The following KNTC1 variants were observed in gnomAD, a reference collection of about 807,000 sequenced individuals.
KNTC1 encodes the protein kinetochore associated 1, also known as kinetochore-associated protein 1.
KNTC1 carries 253 observed loss-of-function variants against 314.4 expected under a neutral mutation model. The observed-to-expected ratio is 0.80, with a 90% CI of 0.73 to 0.89. The LOEUF is 0.89. Ranked by LOEUF, KNTC1 falls within the 40% of genes least tolerant of loss-of-function variation. The pLI, the probability that KNTC1 is intolerant of heterozygous loss-of-function variation, is 0.00. For missense variants in KNTC1, 2,475 were observed against 2,572.9 expected, an observed-to-expected ratio of 0.96 and a Z score of 0.82; for synonymous variants, 901 against 901.4, an observed-to-expected ratio of 1.00 and a Z score of 0.01.
intron 33 of KNTC1, among the ~76,000 whole-genome samples, 153 bp downstream of exon 33, chr12:122,580,823 T>A (rs763791591): frequency 6.6e-6 from 1 of 152,092 alleles, no homozygotes; most frequent in Non-Finnish European, 1.5e-5. Context: ...GGTCAGGAGA[T>A]CGAGATCATC....
intron 16 of KNTC1, 100 bp downstream of exon 16, chr12:122,551,796 AT>A: frequency 1.2e-6 from 1 of 858,760 alleles, no homozygotes; most frequent in Non-Finnish European, 1.9e-6. Flanking sequence ...ATTTAGTGTG[AT>A]TAAGGCTGTA....
chr12:122,584,255 C>A, intron 34 of KNTC1, 23 bp from the exon 35 acceptor site: 1 of 1,570,906 alleles, frequency 6.4e-7, no homozygotes, highest in Non-Finnish European at 8.7e-7. Flanking sequence ...ATTCTAACTA[C>A]CAATACTTTC....
intron 5 of KNTC1, among the ~76,000 whole-genome samples, chr12:122,541,536 G>A (rs1962335698): frequency 6.6e-6 from 1 of 151,214 alleles, no homozygotes; most frequent in South Asian, 2.1e-4. Context: ...TAGTAGAGAC[G>A]GGGTTTCACC....
chr12:122,578,385 GCATGCACCAC>G (rs137990747), intron 31 of KNTC1, among the ~76,000 whole-genome samples: 11,475 of 151,818 alleles, frequency 0.076, 559 homozygotes, highest in Middle Eastern at 0.13. Context: ...GGGATTACAG[GCATGCACCAC>G]CATGCTCAAT....
At position 122,575,581 on chromosome 12, in the gene KNTC1, A is replaced by C; in HGVS notation, c.2421A>C (p.Ala807=). 1 of 1,598,124 alleles carries C rather than the reference A, an allele frequency of 6.3e-7. No individual in the cohort carries two copies. The highest frequency in any genetic ancestry group is 8.5e-7 in the Non-Finnish European group (1 of 1,172,110). The part of the protein sequence containing the change: ...FDAVLKIMYA[A]VVPWSAAVEQ... The stretch of plus-strand genomic sequence containing the variant: ...CCGTGCTCAAGATCATGTATGCGGC[A>C]GTGGTTCCTTGGAGTGCAGCTGTGG... Residue 807 remains alanine (A), a synonymous_variant, in exon 28 of 64, where the codon GCA becomes GCC. Coordinates refer to ENST00000333479, the MANE Select transcript of KNTC1 (RefSeq NM_014708.6).
chr12:122,561,547 G>A (rs1266596901), intron 18 of KNTC1, among the ~76,000 whole-genome samples: 3 of 150,864 alleles, frequency 2.0e-5, no homozygotes, highest in East Asian at 3.9e-4. Context: ...TCAGCCTCTC[G>A]GGCTCAAGGG....
At position 122,609,452 on chromosome 12, in the gene KNTC1, A is replaced by G. The variant is rs374642643; in HGVS notation, c.5543+22A>G. ...GAAGGTACTCTTTTCCTTTACTTAT[A>G]TTCACCTATATCGTGATGCAAAATA... On this transcript the variant is annotated intron_variant, in intron 52 of 63. Coordinates refer to ENST00000333479, the MANE Select transcript of KNTC1 (RefSeq NM_014708.6). 3.9e-5 allele frequency: 56 copies of G among 1,445,192 alleles called. No individual in the cohort carries two copies. In the East Asian group the frequency reaches 6.2e-4, roughly 16 times the overall value. 89.5% of individuals were successfully genotyped at this position (1,445,192 alleles called of 1,614,324 possible). A position where few individuals can be genotyped will look rare whatever the true frequency, so the allele number is the denominator to read the frequency against.
chr12:122,563,401 C>T (rs1382054863), intron 20 of KNTC1, among the ~76,000 whole-genome samples: 1 of 152,158 alleles, frequency 6.6e-6, no homozygotes, highest in Non-Finnish European at 1.5e-5. Flanking sequence ...CTGTAGCTGA[C>T]ATTACTATTT....
At chr12:122,576,243 T>G (rs1159776260) in intron 29 of KNTC1, among the ~76,000 whole-genome samples, 1 of 152,106 alleles carries the variant, frequency 6.6e-6, no homozygotes, top group Non-Finnish European at 1.5e-5. Context: ...TTTTGTATTT[T>G]TAGTAGAGAT....
intron 43 of KNTC1, among the ~76,000 whole-genome samples, chr12:122,596,079 CTTTTTT>C (rs1200717202): frequency 9.0e-6 from 1 of 111,422 alleles, no homozygotes; most frequent in Non-Finnish European, 1.8e-5. Flanking sequence ...TAACCAGATT[CTTTTTT>C]TTTTTTTTTT....
At chr12:122,605,280 T>C (rs568490061) in intron 50 of KNTC1, 26 bp from the exon 51 acceptor site, 2 of 1,452,400 alleles carry the variant, frequency 1.4e-6, no homozygotes, top group East Asian at 4.9e-5. Flanking sequence ...CTTGAGTTTT[T>C]CTTTTCTTTA....
At chr12:122,569,485 C>T (rs74866386) in intron 21 of KNTC1, among the ~76,000 whole-genome samples, 196 bp from the exon 22 acceptor site, 5,182 of 152,252 alleles carry the variant, frequency 0.034, 303 homozygotes, top group African/African-American at 0.12. Flanking sequence ...AACTATTTGG[C>T]ACTCAGCGCC....
intron 37 of KNTC1, among the ~76,000 whole-genome samples, chr12:122,586,427 C>T (rs748610302): frequency 5.9e-5 from 9 of 152,114 alleles, no homozygotes; most frequent in Non-Finnish European, 8.8e-5. Flanking sequence ...AGTTTGTGGA[C>T]GTTTATCAGG....
At chr12:122,622,119 A>G in intron 61 of KNTC1, 149 bp downstream of exon 61, 1 of 698,064 alleles carries the variant, frequency 1.4e-6, no homozygotes, top group South Asian at 1.7e-5. Flanking sequence ...ACCTCAGTAA[A>G]TTTTTTAAGA....
intron 1 of KNTC1, among the ~76,000 whole-genome samples, chr12:122,529,026 TAG>T (rs1322349590): frequency 6.6e-6 from 1 of 152,030 alleles, no homozygotes; most frequent in Non-Finnish European, 1.5e-5. Context: ...GTGTTTTTAG[TAG>T]AGAGGGGGTT....
At chr12:122,626,182 C>T (rs745529541) in intron 63 of KNTC1, 23 bp from the exon 64 acceptor site, 5 of 1,545,270 alleles carry the variant, frequency 3.2e-6, no homozygotes, top group Middle Eastern at 3.4e-4. Flanking sequence ...ATAAAAATCA[C>T]TTCTGTGTTT....
intron 40 of KNTC1, 120 bp from the exon 41 acceptor site, chr12:122,590,481 TAAAAAG>T: frequency 1.1e-6 from 1 of 952,020 alleles, no homozygotes; most frequent in Non-Finnish European, 1.5e-6. Context: ...TTTTTTTCTT[TAAAAAG>T]TTTTTTTTAA....
Position 122,620,481 on chromosome 12 carries a change from G to A in KNTC1, c.6152G>A (p.Cys2051Tyr), listed in dbSNP as rs1874305819. The change falls in exon 60 of 64, where the codon TGT becomes TAT. Residue 2051 changes from cysteine (C) to tyrosine (Y), a missense_variant and splice_region_variant. By Grantham distance (194) the Cys-to-Tyr change is radical. Coordinates refer to ENST00000333479, the MANE Select transcript of KNTC1 (RefSeq NM_014708.6). ...CTAATTAATGTTCTCTCTCGAAGAT[G>A]TCCAGTCTCAGGTGATCTTGACCTG... The part of the protein sequence containing the change: ...CSESLIAVLE[C>Y]PVSGDLDLIG... The A allele has an allele frequency of 6.2e-7, 1 of 1,612,328 alleles. No homozygotes were observed. The highest frequency in any genetic ancestry group is 8.5e-7 in the Non-Finnish European group (1 of 1,178,958).
rs1869764257 is a variant in KNTC1, at chr12:122,588,938, A to C, written c.3999+122A>C. The C allele has an allele frequency of 5.8e-6, 3 of 519,118 alleles. No individual in the cohort carries two copies. In the Admixed American group the frequency reaches 1.2e-4, roughly 21 times the overall value. The allele number at this position is 519,118 out of a possible 1,614,324, so 32.2% of individuals were successfully genotyped here. ...TAGTATTTTACTATTCAAAAACTTC[A>C]AGAAACTGTCTTATAGCTAATCAAT... On this transcript the variant is annotated intron_variant, in intron 40 of 63. Coordinates refer to ENST00000333479, the MANE Select transcript of KNTC1 (RefSeq NM_014708.6).
Sources: gnomAD v4.1 joint callset for allele counts (sites outside exome capture counted in the v4.1 genomes callset) on GRCh38, gnomAD v4.1.1 for gene constraint, MANE v1.5 for transcripts, NCBI Gene and HGNC (gene_info 2026-07-23, HGNC 2026-07-21) for gene names.